The following CDC73 variants were observed in gnomAD, a reference collection of about 807,000 sequenced individuals.
The protein encoded by CDC73 is cell division cycle 73.
CDC73 carries 21 observed loss-of-function variants against 83.7 expected under a neutral mutation model. The observed-to-expected ratio is 0.25, with a 90% CI of 0.18 to 0.36. The LOEUF is 0.36. Ranked by LOEUF, CDC73 falls within the 10% of genes least tolerant of loss-of-function variation. The pLI is 1.00. For synonymous variants in CDC73, 224 were observed against 212.9 expected (o/e 1.05, Z -0.45); for missense variants, 342 against 653.3 (o/e 0.52, Z 5.19).
At chr1:193,173,816 G>A (rs1676559363) in intron 10 of CDC73, among the ~76,000 whole-genome samples, 1 of 152,042 alleles carries the variant, frequency 6.6e-6, no homozygotes, top group Non-Finnish European at 1.5e-5. Context: ...GACATGATTT[G>A]TGCTTCTTTA....
intron 6 of CDC73, among the ~76,000 whole-genome samples, 191 bp downstream of exon 6, chr1:193,138,364 T>G (rs1023987920): frequency 3.3e-5 from 5 of 152,244 alleles, no homozygotes; most frequent in African/African-American, 4.8e-5. Flanking sequence ...TTGAAAAGTC[T>G]TCTTGTTTCT....
chr1:193,213,060 C>G (rs1176424181), intron 13 of CDC73, among the ~76,000 whole-genome samples: 3 of 152,170 alleles, frequency 2.0e-5, no homozygotes, highest in Non-Finnish European at 4.4e-5. Context: ...CAAAATAAAT[C>G]TCTTCCATCC....
At chr1:193,124,810 G>A (rs777568576) in intron 1 of CDC73, among the ~76,000 whole-genome samples, 3 of 152,132 alleles carry the variant, frequency 2.0e-5, no homozygotes, top group Non-Finnish European at 4.4e-5. Flanking sequence ...TCTTCGATAT[G>A]GATCTGGTTA....
intron 11 of CDC73, among the ~76,000 whole-genome samples, chr1:193,209,252 G>T (rs187815973): frequency 1.3e-5 from 2 of 152,304 alleles, no homozygotes; most frequent in East Asian, 3.9e-4. Context: ...TTGGCAATTA[G>T]CACACTTGCT....
At chr1:193,174,346 T>C (rs372570151) in intron 10 of CDC73, among the ~76,000 whole-genome samples, 3 of 152,146 alleles carry the variant, frequency 2.0e-5, no homozygotes, top group Non-Finnish European at 4.4e-5. Flanking sequence ...TTCATTTGTT[T>C]CCTTTGATAA....
intron 10 of CDC73, among the ~76,000 whole-genome samples, chr1:193,200,774 T>C (rs75862105): frequency 0.015 from 2,225 of 152,214 alleles, 49 homozygotes; most frequent in African/African-American, 0.049. Flanking sequence ...TGTGTGTGTG[T>C]GCGCGCGTGC....
intron 10 of CDC73, among the ~76,000 whole-genome samples, chr1:193,187,013 T>C (rs924602270): frequency 1.3e-5 from 2 of 151,222 alleles, no homozygotes; most frequent in South Asian, 2.1e-4. Context: ...AAGTTTTTTT[T>C]CTCTGCTTTC....
intron 8 of CDC73, among the ~76,000 whole-genome samples, 156 bp from the exon 9 acceptor site, chr1:193,150,148 G>C (rs531704258): frequency 6.6e-6 from 1 of 152,020 alleles, no homozygotes; most frequent in Admixed American, 6.6e-5. Flanking sequence ...GTGCATGCCT[G>C]TGGTCCCAGC....
chr1:193,161,217 T>C (rs193199735), intron 10 of CDC73: 1 of 177,654 alleles, frequency 5.6e-6, no homozygotes, highest in African/African-American at 2.4e-5. Context: ...ATGTTTTTTT[T>C]AAATACCTGT....
At chr1:193,250,142 A>T (rs1174540816) in intron 16 of CDC73, among the ~76,000 whole-genome samples, 3 of 151,818 alleles carry the variant, frequency 2.0e-5, no homozygotes, top group African/African-American at 7.2e-5. Flanking sequence ...TATCTGTGTG[A>T]CCTTTTTGAA....
At position 193,125,092 on chromosome 1, in the gene CDC73, T is replaced by C. The variant is rs1675540712; in HGVS notation, c.132-20T>C. The C allele has an allele frequency of 1.6e-6, 2 of 1,254,030 alleles. No homozygotes were observed. The highest frequency in any genetic ancestry group is 1.2e-6 in the Non-Finnish European group (1 of 851,454). 77.7% of individuals were successfully genotyped at this position (1,254,030 alleles called of 1,614,324 possible). On this transcript the variant is annotated intron_variant, in intron 1 of 16. Transcript: ENST00000367435. ...GAATTAGAATTGTCAGTAAAAAAAA[T>C]CTTGCCTTAATTATTTCAGGACTGG...
chr1:193,216,470 C>T (rs1171063465), intron 13 of CDC73, among the ~76,000 whole-genome samples: 3 of 151,910 alleles, frequency 2.0e-5, no homozygotes, highest in Non-Finnish European at 4.4e-5. Flanking sequence ...ACCGGAAGCC[C>T]CCCAACCCCA....
At chr1:193,174,920 C>T (rs17592633) in intron 10 of CDC73, among the ~76,000 whole-genome samples, 6,051 of 152,196 alleles carry the variant, frequency 0.04, 116 homozygotes, top group Middle Eastern at 0.048. Flanking sequence ...ATGCTTTAAA[C>T]GAAAAGAGTG....
chr1:193,208,231 C>T (rs1262739734), intron 11 of CDC73, among the ~76,000 whole-genome samples: 1 of 152,122 alleles, frequency 6.6e-6, no homozygotes, highest in Non-Finnish European at 1.5e-5. Flanking sequence ...ATCTATTTTT[C>T]TTTATCTCCA....
chr1:193,157,847 G>A (rs923151369), intron 10 of CDC73, among the ~76,000 whole-genome samples: 10 of 152,080 alleles, frequency 6.6e-5, no homozygotes, highest in African/African-American at 2.4e-4. Flanking sequence ...TCCTGCTTGT[G>A]AAGTTGAGGA....
intron 10 of CDC73, among the ~76,000 whole-genome samples, chr1:193,178,096 A>G (rs1008961656): frequency 5.3e-5 from 8 of 152,190 alleles, no homozygotes; most frequent in African/African-American, 1.9e-4. Flanking sequence ...GTTTATATAC[A>G]CTATCAGCTT....
rs1558285044 is a variant in CDC73 at position 193,142,082 on chromosome 1, TACTC to T, written c.729+18_729+21del. On this transcript the variant is annotated intron_variant, in intron 7 of 16. Transcript: ENST00000367435. ...CACAGGAAAGGTAATTAAAATATTT[TACTC>T]ATTCATTGGAGTGAGAGAGAGAGAG... is the stretch of plus-strand genomic sequence containing the variant. 6.3e-7 allele frequency: 1 copy of T among 1,579,628 alleles called. No individual in the cohort carries two copies. The highest frequency in any genetic ancestry group is 1.7e-4 in the Middle Eastern group (1 of 6,004).
chr1:193,236,947 T>C (rs1409271561), intron 15 of CDC73: 2 of 142,446 alleles, frequency 1.4e-5, no homozygotes, highest in African/African-American at 2.6e-5. Flanking sequence ...TGATGCCAGT[T>C]TTTTTTTTTT....
intron 10 of CDC73, among the ~76,000 whole-genome samples, chr1:193,197,919 C>A (rs1677029309): frequency 7.8e-6 from 1 of 128,344 alleles, no homozygotes; most frequent in Admixed American, 8.0e-5. Flanking sequence ...AGTGAGATAC[C>A]ATCTCACCAA....
Sources: allele counts gnomAD v4.1 joint callset (sites outside exome capture counted in the v4.1 genomes callset), GRCh38; gene constraint gnomAD v4.1.1; transcripts MANE v1.5; gene names NCBI Gene and HGNC (gene_info 2026-07-23, HGNC 2026-07-21).